CCDC102B: variants seen among roughly 807,000 people sequenced by gnomAD.
CCDC102B encodes coiled-coil domain-containing protein 102B.
In CCDC102B, 75 loss-of-function variants were observed where a neutral mutation model predicts 57.4. That is an observed-to-expected ratio of 1.31 (90% confidence interval 1.08 to 1.58). The LOEUF (loss-of-function observed/expected upper bound fraction) is 1.58, where lower values mean the gene tolerates loss of function less well. CCDC102B is among the 40% of genes most tolerant of loss of function. CCDC102B has a pLI of 0.00. For synonymous variants in CCDC102B, 206 were observed against 201.9 expected, an observed-to-expected ratio of 1.02 and a Z score of -0.17; for missense variants, 636 against 582.6, an observed-to-expected ratio of 1.09 and a Z score of -0.94.
At chr18:69,017,811 C>A (rs1441312092) in intron 7 of CCDC102B, among the ~76,000 whole-genome samples, 1 of 152,144 alleles carries the variant, frequency 6.6e-6, no homozygotes, top group African/African-American at 2.4e-5. Flanking sequence ...TGCCCCCTGC[C>A]CCGGGTAACC....
In CCDC102B at chr18:68,774,707, T is replaced by C. The variant is rs139850505; in HGVS notation, c.-66-48659T>C. ...TAAGCTCAATTGCTTAGTTTCATTT[T>C]AGAATTTTAGAGATTGATTTATTTT... On this transcript the variant is annotated intron_variant, in intron 2 of 3. Transcript: ENST00000578970. Among the ~76,000 whole-genome samples, 90 of 152,258 alleles carry C rather than the reference T, an allele frequency of 5.9e-4. 2 individuals are homozygous for C. In the East Asian group the frequency reaches 0.016, roughly 26 times the overall value.
At position 68,887,830 on chromosome 18, in the gene CCDC102B, T is replaced by C. The variant is rs191732973; in HGVS notation, c.1054-9389T>C. Among the ~76,000 whole-genome samples, 18 of 152,338 alleles carry C rather than the reference T, an allele frequency of 1.2e-4. No homozygotes were observed. In the South Asian group the frequency reaches 1.9e-3, roughly 16 times the overall value. On this transcript the variant is annotated intron_variant, in intron 5 of 7. Transcript: ENST00000360242. The stretch of plus-strand genomic sequence containing the variant: ...TGGAAAAACATGTTTTATCTAGAAC[T>C]TGTCTATCTGTGCAAGAGTATAAAT...
chr18:68,900,791 T>C (rs2040423309), intron 6 of CCDC102B, among the ~76,000 whole-genome samples: 1 of 152,188 alleles, frequency 6.6e-6, no homozygotes, highest in South Asian at 2.1e-4. Flanking sequence ...CTATTCTATT[T>C]ATTCCATTAG....
intron 5 of CCDC102B, among the ~76,000 whole-genome samples, chr18:68,879,070 G>C (rs111558746): frequency 2.0e-5 from 3 of 152,090 alleles, no homozygotes; most frequent in Middle Eastern, 3.4e-3. Flanking sequence ...CGCGGTGAGT[G>C]TTACAGCTCT....
At chr18:69,005,646 T>C (rs192738775) in intron 6 of CCDC102B, among the ~76,000 whole-genome samples, 21 of 151,964 alleles carry the variant, frequency 1.4e-4, no homozygotes, top group Admixed American at 2.6e-4. Flanking sequence ...TGTATCATAT[T>C]ACAATTAATT....
chr18:68,760,414 C>A (rs997049562), intron 2 of CCDC102B, among the ~76,000 whole-genome samples: 9 of 151,932 alleles, frequency 5.9e-5, no homozygotes, highest in African/African-American at 2.2e-4. Flanking sequence ...TAAAAATAAA[C>A]CTGCTCCTAA....
chr18:68,946,822 G>T (rs2049553889), intron 6 of CCDC102B, among the ~76,000 whole-genome samples: 1 of 151,796 alleles, frequency 6.6e-6, no homozygotes, highest in African/African-American at 2.4e-5. Context: ...TCCAAATTGG[G>T]CCAGTTCATG....
At chr18:68,761,470 C>T (rs183634433) in intron 2 of CCDC102B, among the ~76,000 whole-genome samples, 286 of 151,858 alleles carry the variant, frequency 1.9e-3, no homozygotes, top group Non-Finnish European at 3.2e-3. Context: ...GTTGAAATCT[C>T]CCACTCTGAG....
chr18:68,864,490 T>A (rs1200350297), intron 4 of CCDC102B, among the ~76,000 whole-genome samples: 2 of 151,992 alleles, frequency 1.3e-5, no homozygotes, highest in African/African-American at 4.8e-5. Context: ...TATTTCTAAT[T>A]CTTTCCTGGG....
intron 2 of CCDC102B, among the ~76,000 whole-genome samples, chr18:68,786,417 C>T: frequency 1.5e-5 from 2 of 129,148 alleles, no homozygotes; most frequent in Non-Finnish European, 3.3e-5. Flanking sequence ...TTACCTTGGG[C>T]AGTATGGCCA....
At chr18:68,761,350 ATATT>A (rs1313844845) in intron 2 of CCDC102B, among the ~76,000 whole-genome samples, 1 of 152,030 alleles carries the variant, frequency 6.6e-6, no homozygotes, top group Admixed American at 6.6e-5. Flanking sequence ...ATTTTTATAA[ATATT>A]CTATATAAGT....
intron 2 of CCDC102B, among the ~76,000 whole-genome samples, chr18:68,741,667 T>TCACACA (rs60407642): frequency 3.8e-4 from 54 of 140,368 alleles, no homozygotes; most frequent in African/African-American, 1.4e-3. Flanking sequence ...TGAAGACTGG[T>TCACACA]CACACACACA....
intron 4 of CCDC102B, among the ~76,000 whole-genome samples, chr18:68,861,126 T>C (rs2038730400): frequency 1.6e-5 from 1 of 62,834 alleles, no homozygotes; most frequent in Admixed American, 1.7e-4. Flanking sequence ...GCTATCATTA[T>C]TAAAACATAA....
intron 1 of CCDC102B, among the ~76,000 whole-genome samples, chr18:68,818,785 T>C (rs1233511947): frequency 6.6e-6 from 1 of 152,172 alleles, no homozygotes; most frequent in African/African-American, 2.4e-5. Flanking sequence ...ACATTCAATT[T>C]TGAGCAATTA....
At chr18:68,890,248 GT>G (rs1404699426) in intron 5 of CCDC102B, among the ~76,000 whole-genome samples, 2 of 144,792 alleles carry the variant, frequency 1.4e-5, no homozygotes, top group African/African-American at 5.1e-5. Flanking sequence ...TTTCTGTTTT[GT>G]TTTTGAGACA....
intron 7 of CCDC102B, among the ~76,000 whole-genome samples, chr18:69,036,322 C>T (rs1164860027): frequency 2.0e-5 from 3 of 151,880 alleles, no homozygotes; most frequent in Non-Finnish European, 2.9e-5. Context: ...TTATATTATC[C>T]GTTTGATGTG....
intron 6 of CCDC102B, among the ~76,000 whole-genome samples, chr18:68,939,514 A>G (rs2049324796): frequency 6.6e-6 from 1 of 151,772 alleles, no homozygotes; most frequent in East Asian, 1.9e-4. Flanking sequence ...TATAAATATT[A>G]TATTTAAATT....
intron 1 of CCDC102B, among the ~76,000 whole-genome samples, chr18:68,813,402 C>T (rs1275733274): frequency 5.3e-5 from 8 of 150,820 alleles, no homozygotes; most frequent in South Asian, 2.1e-4. Flanking sequence ...AGAGATGAGA[C>T]GATAGAATGA....
chr18:69,031,516 A>T (rs1290772471), intron 7 of CCDC102B, among the ~76,000 whole-genome samples: 3 of 150,084 alleles, frequency 2.0e-5, no homozygotes, highest in East Asian at 2.0e-4. Context: ...TTTCCTTCAA[A>T]TTTGGGGTAT....
Sources: gnomAD v4.1 joint callset for allele counts (sites outside exome capture counted in the v4.1 genomes callset) on GRCh38, gnomAD v4.1.1 for gene constraint, MANE v1.5 for transcripts, NCBI Gene and HGNC (gene_info 2026-07-23, HGNC 2026-07-21) for gene names.